MYLK2: variants seen among roughly 807,000 people sequenced by gnomAD.
The protein encoded by MYLK2 is myosin light chain kinase 2, skeletal/cardiac muscle.
Under a neutral mutation model 58.2 loss-of-function variants are expected in MYLK2, and 27 were observed. The observed-to-expected ratio is 0.46, with a 90% CI of 0.34 to 0.64. The LOEUF (loss-of-function observed/expected upper bound fraction) is 0.64. Among genes scored for constraint, MYLK2 ranks in the 30% least tolerant of loss-of-function variants. MYLK2 has a pLI of 0.01. For missense variants in MYLK2, 676 were observed against 764.3 expected, an observed-to-expected ratio of 0.88 and a Z score of 1.36; for synonymous variants, 310 against 296.7, an observed-to-expected ratio of 1.04 and a Z score of -0.46.
chr20:31,823,891 A>G, intron 5 of MYLK2: 4 of 966,448 alleles, frequency 4.1e-6, no homozygotes, highest in Non-Finnish European at 4.9e-6. Flanking sequence ...CTGCTTTGTA[A>G]AAAGCCCTGA....
intron 8 of MYLK2, among the ~76,000 whole-genome samples, chr20:31,829,039 G>A (rs2062292982): frequency 6.6e-6 from 1 of 152,146 alleles, no homozygotes; most frequent in South Asian, 2.1e-4. Flanking sequence ...AAAGGATCAA[G>A]GGTGAGTCCT....
At position 31,833,535 on chromosome 20, in the gene MYLK2, G is replaced by A. The variant is rs114661585; in HGVS notation, c.1711-182G>A. 0.012 allele frequency among the ~76,000 whole-genome samples: 1,891 copies of A among 152,242 alleles called. 34 individuals are homozygous for A. The highest frequency in any genetic ancestry group is 0.043 in the African/African-American group (1,803 of 41,526). On this transcript the variant is annotated intron_variant, in intron 12 of 12. Transcript: ENST00000375985. ...TGGTTCAGGTCTGGCTGACCTATCC[G>A]TTGAGTGAGGGGACTCCTGGACAAT...
intron 2 of MYLK2, 47 bp downstream of exon 2, chr20:31,819,679 G>T: frequency 6.5e-7 from 1 of 1,548,882 alleles, no homozygotes; most frequent in Non-Finnish European, 8.7e-7. Flanking sequence ...GGGAAGGGGG[G>T]TTTTGAATCC....
At chr20:31,826,181 T>C (rs2062278352) in intron 6 of MYLK2, among the ~76,000 whole-genome samples, 1 of 152,174 alleles carries the variant, frequency 6.6e-6, no homozygotes, top group African/African-American at 2.4e-5. Context: ...AGATTTGAGA[T>C]GTCTATTAGA....
At chr20:31,824,156 G>T in intron 5 of MYLK2, 103 bp from the exon 6 acceptor site, 1 of 1,543,328 alleles carries the variant, frequency 6.5e-7, no homozygotes, top group East Asian at 2.4e-5. Flanking sequence ...AGGGGATCCA[G>T]AGGCACCACT....
chr20:31,834,465 C>T lies in MYLK2; in HGVS notation c.*668C>T, dbSNP rs897137513. 20 of 153,194 alleles carry T rather than the reference C, an allele frequency of 1.3e-4. No homozygotes were observed. The highest frequency in any genetic ancestry group is 4.8e-4 in the African/African-American group (20 of 41,430). The allele number at this position is 153,194 out of a possible 1,614,324, so 9.5% of individuals were successfully genotyped here. On this transcript the variant is annotated 3_prime_UTR_variant, in exon 13 of 13. Coordinates refer to ENST00000375985, the MANE Select transcript of MYLK2 (RefSeq NM_033118.4). ...GAGAGAGAGGGCGCCCAGCCCAGGC[C>T]TGGTGGAGGGGGAGGGGAGAAGCCA...
chr20:31,826,951 G>A lies in MYLK2; in HGVS notation c.1224+13G>A, dbSNP rs1300706466. On this transcript the variant is annotated intron_variant, in intron 8 of 12. Coordinates refer to ENST00000375985, the MANE Select transcript of MYLK2 (RefSeq NM_033118.4). ...CCTGGACCTCAAGGTACCAGACTGG[G>A]GCCTCCTGGGAAGGGTCAGGGGCAG... 5 of 1,613,942 alleles carry A rather than the reference G, an allele frequency of 3.1e-6. No individual in the cohort carries two copies. Among genetic ancestry groups the A allele is most frequent in the Admixed American group, 3.3e-5 (2 of 60,000 alleles).
chr20:31,823,574 G>A lies in MYLK2; in HGVS notation c.870G>A (p.Ala290=), dbSNP rs1037625331. The A allele has an allele frequency of 7.4e-6, 12 of 1,613,674 alleles. No individual in the cohort carries two copies. The highest frequency in any genetic ancestry group is 1.3e-5 in the African/African-American group (1 of 74,922). Residue 290 remains alanine (A), a synonymous_variant, in exon 5 of 13, where the codon GCG becomes GCA. Transcript: ENST00000375985. ...AATTCAGTATGAACTCCAAGGAGGCGCTCGGAGGGTGAGATCTGGGACCCC... is the reference window on the plus strand; with the variant it reads ...AATTCAGTATGAACTCCAAGGAGGCACTCGGAGGGTGAGATCTGGGACCCC... ...SSEFSMNSKE[A]LGGGKFGAVC...
intron 12 of MYLK2, 125 bp from the exon 13 acceptor site, chr20:31,833,592 G>T: frequency 1.2e-6 from 1 of 851,000 alleles, no homozygotes; most frequent in Non-Finnish European, 2.0e-6. Context: ...TGGCCATTTT[G>T]GGCACTGCAC....
rs144074904 is a variant in MYLK2 at position 31,828,731 on chromosome 20, G to A, written c.1224+1793G>A. On this transcript the variant is annotated intron_variant, in intron 8 of 12. Coordinates refer to ENST00000375985, the MANE Select transcript of MYLK2 (RefSeq NM_033118.4). Reference sequence around the variant, plus strand: ...CCTGTCCCAGTTTTGCTCTGTGCCCGACACTGTCTGAGTGAGGGTGCCATC... The same window carrying A: ...CCTGTCCCAGTTTTGCTCTGTGCCCAACACTGTCTGAGTGAGGGTGCCATC... The A allele has an allele frequency of 4.3e-3, 4,238 of 985,318 alleles. 11 individuals are homozygous for A. Among genetic ancestry groups the A allele is most frequent in the African/African-American group, 7.8e-3 (448 of 57,348 alleles). 61.0% of individuals were successfully genotyped at this position (985,318 alleles called of 1,614,324 possible).
intron 12 of MYLK2, 121 bp downstream of exon 12, chr20:31,832,257 G>A (rs768373498): frequency 3.9e-5 from 53 of 1,372,866 alleles, no homozygotes; most frequent in Middle Eastern, 2.2e-4. Context: ...GGCCCTGTCC[G>A]GAAGACAGGG....
In MYLK2 at chr20:31,832,150, C is replaced by A; in HGVS notation, c.1710+14C>A. The A allele has an allele frequency of 6.7e-7, 1 of 1,503,112 alleles. No individual in the cohort carries two copies. Among genetic ancestry groups the A allele is most frequent in the Non-Finnish European group, 9.2e-7 (1 of 1,088,766 alleles). 93.1% of individuals were successfully genotyped at this position (1,503,112 alleles called of 1,614,324 possible). On this transcript the variant is annotated intron_variant, in intron 12 of 12. Transcript: ENST00000375985. ...AGGCGCTGGAAGGTACCGCTGGATT[C>A]AGGGTGGGGAGGGAGGGCTTGCTAG...
intron 8 of MYLK2, chr20:31,827,429 A>G (rs1044971393): frequency 6.3e-5 from 62 of 985,310 alleles, no homozygotes; most frequent in Non-Finnish European, 7.1e-5. Context: ...AAATCCCTGC[A>G]TTCTTGGAGC....
rs786205407 is a variant in MYLK2, at chr20:31,821,588, G to A, written c.623G>A (p.Gly208Glu). The change falls in exon 4 of 13, where the codon GGA becomes GAA. Residue 208 changes from glycine (G) to glutamate (E), a missense_variant. Transcript: ENST00000375985. Reference sequence around the variant, plus strand: ...CTGGCAGAGAGCCAGAAGGAAGTGGGAGAGAAAACCCCAGGCCAGGCTGGC... The same window carrying A: ...CTGGCAGAGAGCCAGAAGGAAGTGGAAGAGAAAACCCCAGGCCAGGCTGGC... ...NILAESQKEVGEKTPGQAGQA... is the reference protein window; with the variant it reads ...NILAESQKEVEEKTPGQAGQA... The A allele has an allele frequency of 3.1e-6, 5 of 1,614,140 alleles. No individual in the cohort carries two copies. The South Asian group carries it at 5.5e-5, about 18-fold the overall frequency.
In MYLK2 at chr20:31,821,619, T is replaced by C. The variant is rs1337770984; in HGVS notation, c.654T>C (p.Ala218=). The C allele has an allele frequency of 1.2e-6, 2 of 1,613,936 alleles. No homozygotes were observed. The highest frequency in any genetic ancestry group is 2.2e-5 in the East Asian group (1 of 44,884). The part of the protein sequence containing the change: ...GEKTPGQAGQ[A]KMQGDTSRGI... The stretch of plus-strand genomic sequence containing the variant: ...AAACCCCAGGCCAGGCTGGCCAGGC[T>C]AAGATGCAAGGGGACACCTCGAGGG... Residue 218 remains alanine (A), a synonymous_variant, in exon 4 of 13, where the codon GCT becomes GCC. Coordinates refer to ENST00000375985, the MANE Select transcript of MYLK2 (RefSeq NM_033118.4).
At chr20:31,827,849 C>T (rs1305312232) in intron 8 of MYLK2, among the ~76,000 whole-genome samples, 2 of 147,622 alleles carry the variant, frequency 1.4e-5, no homozygotes, top group African/African-American at 5.1e-5. Context: ...TGCTCACTAC[C>T]ATGCACATGG....
At chr20:31,826,581 A>G (rs1307784700) in intron 6 of MYLK2, 24 bp from the exon 7 acceptor site, 1 of 1,613,622 alleles carries the variant, frequency 6.2e-7, no homozygotes, top group Non-Finnish European at 8.5e-7. Flanking sequence ...CCCAGCTGGT[A>G]CCCTTGACTT....
At position 31,831,110 on chromosome 20, in the gene MYLK2, A is replaced by T; in HGVS notation, c.1393A>T (p.Met465Leu). ...NYDQISDKTDMWSMGVITYML... is the reference protein window; with the variant it reads ...NYDQISDKTDLWSMGVITYML... ...TGACCAAATCTCCGATAAGACAGAC[A>T]TGTGGAGTATGGGGGTGATCACCTA... Residue 465 changes from methionine (M) to leucine (L), a missense_variant, in exon 10 of 13, where the codon ATG becomes TTG. Physicochemically the swap from Met to Leu is conservative, Grantham distance 15 (BLOSUM62 2). Transcript: ENST00000375985. 1.2e-6 allele frequency: 2 copies of T among 1,614,014 alleles called. No individual in the cohort carries two copies. The highest frequency in any genetic ancestry group is 1.7e-6 in the Non-Finnish European group (2 of 1,179,950).
chr20:31,825,640 TTAGA>T (rs1343771627), intron 6 of MYLK2, among the ~76,000 whole-genome samples: 2 of 151,940 alleles, frequency 1.3e-5, no homozygotes, highest in East Asian at 3.9e-4. Context: ...GGGGGCGCTT[TTAGA>T]TAGGGAGGTG....
Sources: gnomAD v4.1 joint callset for allele counts (sites outside exome capture counted in the v4.1 genomes callset) on GRCh38, gnomAD v4.1.1 for gene constraint, MANE v1.5 for transcripts, NCBI Gene and HGNC (gene_info 2026-07-23, HGNC 2026-07-21) for gene names.